Variants in RC3H1 observed in about 807,000 individuals in gnomAD.
RC3H1 encodes roquin-1.
Under a neutral mutation model 138.2 loss-of-function variants are expected in RC3H1, and 50 were observed. The observed-to-expected ratio is 0.36, with a 90% confidence interval of 0.29 to 0.46. The LOEUF (loss-of-function observed/expected upper bound fraction) is 0.46. Ranked by LOEUF, RC3H1 falls within the 20% of genes least tolerant of loss-of-function variation. The pLI is 1.00. For synonymous variants in RC3H1, 462 were observed against 489.1 expected, an observed-to-expected ratio of 0.94 and a Z score of 0.73; for missense variants, 1,031 against 1,388.1, an observed-to-expected ratio of 0.74 and a Z score of 4.09.
chr1:174,003,197 G>A (rs1237943883), intron 1 of RC3H1, among the ~76,000 whole-genome samples: 1 of 152,026 alleles, frequency 6.6e-6, no homozygotes, highest in African/African-American at 2.4e-5. Context: ...GACCAGCCTG[G>A]CCAACGTGGT....
intron 1 of RC3H1, among the ~76,000 whole-genome samples, chr1:174,000,539 A>G (rs766215358): frequency 6.6e-6 from 1 of 152,230 alleles, no homozygotes; most frequent in African/African-American, 2.4e-5. Context: ...TATCTGAAAT[A>G]TAAGTTGGCC....
chr1:173,962,908 C>A (rs1659943147), intron 11 of RC3H1, among the ~76,000 whole-genome samples: 1 of 152,100 alleles, frequency 6.6e-6, no homozygotes, highest in Admixed American at 6.6e-5. Flanking sequence ...AATTAAAAAA[C>A]ATTCTCATGA....
intron 10 of RC3H1, 74 bp downstream of exon 10, chr1:173,964,765 A>G: frequency 7.5e-7 from 1 of 1,335,814 alleles, no homozygotes; most frequent in Non-Finnish European, 1.0e-6. Flanking sequence ...TTAAATCCCA[A>G]ACATTAATTA....
At chr1:173,984,450 T>C (rs368731313) in intron 3 of RC3H1, 49 bp downstream of exon 3, 2 of 1,584,822 alleles carry the variant, frequency 1.3e-6, no homozygotes, top group African/African-American at 2.7e-5. Context: ...GTACTGAGTA[T>C]TTAAAAAAGC....
In RC3H1 at chr1:174,022,089, C is replaced by T. The variant is rs941015413; in HGVS notation, c.-151+7G>A. On this transcript the variant is annotated splice_region_variant and intron_variant, in intron 1 of 19. Transcript: ENST00000367696. This position sits in a 1 kb window ranked among gnomAD's most constrained non-coding sequence, Gnocchi z 4.2. Reference sequence around the variant, plus strand: ...GCTCCCCAAGTCGCCGCCCGCCGCTCGCTCACCGCGCTGGTCCGAGCAGCA... The same window carrying T: ...GCTCCCCAAGTCGCCGCCCGCCGCTTGCTCACCGCGCTGGTCCGAGCAGCA... The T allele has an allele frequency of 2.3e-5, 9 of 397,104 alleles. No individual in the cohort carries two copies. The highest frequency in any genetic ancestry group is 1.7e-4 in the African/African-American group (8 of 48,354). 24.6% of individuals were successfully genotyped at this position (397,104 alleles called of 1,614,324 possible). A position where few individuals can be genotyped will look rare whatever the true frequency, so the allele number is the denominator to read the frequency against.
At chr1:174,011,083 T>C (rs1661740643) in intron 1 of RC3H1, among the ~76,000 whole-genome samples, 1 of 152,208 alleles carries the variant, frequency 6.6e-6, no homozygotes. Flanking sequence ...ACCATCCTAT[T>C]TTCTATTCTA....
chr1:173,995,150 AAGTT>A (rs989921618), intron 1 of RC3H1, among the ~76,000 whole-genome samples: 1 of 152,162 alleles, frequency 6.6e-6, no homozygotes, highest in Non-Finnish European at 1.5e-5. Context: ...TGCTGAACGA[AAGTT>A]AAGGGAAGAA....
Position 173,984,626 on chromosome 1 carries a change from G to A in RC3H1, c.232-7C>T, listed in dbSNP as rs1179898159. The A allele has an allele frequency of 6.2e-7, 1 of 1,610,294 alleles. No homozygotes were observed. Among genetic ancestry groups the A allele is most frequent in the Admixed American group, 1.7e-5 (1 of 58,954 alleles). On this transcript the variant is annotated splice_region_variant and splice_polypyrimidine_tract_variant and intron_variant, in intron 2 of 19. Coordinates refer to ENST00000367696, the MANE Select transcript of RC3H1 (RefSeq NM_172071.4). Reference sequence around the variant, plus strand: ...TAGGCTGCTGCTCAGGGACCTGGAGGCCAAAAGAAAAGATCTGTATGAGTG... The same window carrying A: ...TAGGCTGCTGCTCAGGGACCTGGAGACCAAAAGAAAAGATCTGTATGAGTG...
At chr1:173,957,659 C>G (rs1361728227) in intron 13 of RC3H1, among the ~76,000 whole-genome samples, 1 of 152,076 alleles carries the variant, frequency 6.6e-6, no homozygotes, top group African/African-American at 2.4e-5. Flanking sequence ...AAGCGATCCT[C>G]TCGATCTTCC....
Position 173,932,149 on chromosome 1 carries a change from C to A in RC3H1, c.*6572G>T, listed in dbSNP as rs748140325. 34 of 151,974 alleles carry A rather than the reference C, an allele frequency of 2.2e-4. No homozygotes were observed. The highest frequency in any genetic ancestry group is 5.9e-5 in the Non-Finnish European group (4 of 67,984). 9.4% of individuals were successfully genotyped at this position (151,974 alleles called of 1,614,324 possible). A position where few individuals can be genotyped will look rare whatever the true frequency, so the allele number is the denominator to read the frequency against. ...TCTTGTTAAATATACCTCTGCAGGG[C>A]ACAATCACTTACAATCAATACGATT... On this transcript the variant is annotated 3_prime_UTR_variant, in exon 20 of 20. Transcript: ENST00000367696.
Position 173,980,904 on chromosome 1 carries a change from T to C in RC3H1, c.874A>G (p.Met292Val), listed in dbSNP as rs1002476761. The C allele has an allele frequency of 1.2e-6, 2 of 1,614,112 alleles. No individual in the cohort carries two copies. Among genetic ancestry groups the C allele is most frequent in the East Asian group, 2.2e-5 (1 of 44,876 alleles). The change falls in exon 6 of 20, where the codon ATG (methionine) becomes GTG (valine). Residue 292 changes from methionine to valine, a missense_variant. Met to Val is a conservative substitution (Grantham distance 21). Coordinates refer to ENST00000367696, the MANE Select transcript of RC3H1 (RefSeq NM_172071.4). Reference sequence around the variant, plus strand: ...GGTGCAATTCGTAAGCCTGCTTCCATAGCAATCTGCACTATCTGGGAGTCA... The same window carrying C: ...GGTGCAATTCGTAAGCCTGCTTCCACAGCAATCTGCACTATCTGGGAGTCA... The part of the protein sequence containing the change: ...EHDSQIVQIA[M>V]EAGLRIAPDQ...
chr1:173,960,038 G>T (rs1659803319), intron 13 of RC3H1, among the ~76,000 whole-genome samples: 1 of 150,400 alleles, frequency 6.6e-6, no homozygotes, highest in African/African-American at 2.5e-5. Flanking sequence ...AACCCAGGAG[G>T]TGGAGGTTGC....
At chr1:173,956,686 A>AGAAAG (rs1039479207) in intron 13 of RC3H1, among the ~76,000 whole-genome samples, 1 of 149,522 alleles carries the variant, frequency 6.7e-6, no homozygotes, top group African/African-American at 2.5e-5. Context: ...AAAAAAAAAA[A>AGAAAG]GAAAGAAAGA....
At position 173,961,111 on chromosome 1, in the gene RC3H1, G is replaced by A; in HGVS notation, c.2336C>T (p.Ser779Leu). 3.1e-6 allele frequency: 5 copies of A among 1,613,790 alleles called. No homozygotes were observed. The highest frequency in any genetic ancestry group is 4.2e-6 in the Non-Finnish European group (5 of 1,179,860). The change falls in exon 13 of 20, where the codon TCA becomes TTA. Residue 779 changes from serine (S) to leucine (L), a missense_variant. Transcript: ENST00000367696. The part of the protein sequence containing the change: ...KVISPPPFAP[S>L]PTLPPTFHPE... The stretch of plus-strand genomic sequence containing the variant: ...ATGAAAGGTAGGAGGCAAGGTTGGT[G>A]AAGGTGCAAAAGGAGGTGGAGAGAT...
Position 173,961,814 on chromosome 1 carries a change from C to G in RC3H1, c.2113G>C (p.Val705Leu), listed in dbSNP as rs1659891703. The G allele has an allele frequency of 3.7e-6, 6 of 1,613,804 alleles. No homozygotes were observed. Among genetic ancestry groups the G allele is most frequent in the South Asian group, 1.1e-5 (1 of 91,068 alleles). ...TGGTATCTTTCTCTGGATTCTGGTA[C>G]ATACGATGGTACTGCTGCAGGTGGA... is the stretch of plus-strand genomic sequence containing the variant. Reference protein sequence around the residue: ...EIPPAAVPSYVPESRERYQQI... With the variant: ...EIPPAAVPSYLPESRERYQQI... Residue 705 changes from valine to leucine, a missense_variant, in exon 12 of 20, where the codon GTA becomes CTA. By Grantham distance (32) the Val-to-Leu change is conservative. Around this residue, in one of 7 missense-constraint regions of RC3H1, gnomAD observed 716 missense variants for 837.9 expected, o/e 0.85. Coordinates refer to ENST00000367696, the MANE Select transcript of RC3H1 (RefSeq NM_172071.4).
At position 173,952,147 on chromosome 1, in the gene RC3H1, GGA is replaced by G; in HGVS notation, c.2371-11_2371-10del. 7.0e-7 allele frequency: 1 copy of G among 1,425,312 alleles called. No individual in the cohort carries two copies. The allele number at this position is 1,425,312 out of a possible 1,614,324, so 88.3% of individuals were successfully genotyped here. On this transcript the variant is annotated splice_polypyrimidine_tract_variant and intron_variant, in intron 13 of 19. Coordinates refer to ENST00000367696, the MANE Select transcript of RC3H1 (RefSeq NM_172071.4). ...AAGTCTTCATCCAAAAACTACAGAT[GGA>G]GAAAGAAAAAAAACAAAAAAAAAAA...
intron 2 of RC3H1, among the ~76,000 whole-genome samples, chr1:173,984,936 A>G (rs1444485222): frequency 1.3e-5 from 2 of 152,302 alleles, no homozygotes; most frequent in South Asian, 2.1e-4. Flanking sequence ...CATTACCCCA[A>G]AAAGAAACAC....
chr1:174,003,957 G>A (rs914462013), intron 1 of RC3H1, among the ~76,000 whole-genome samples: 2 of 150,978 alleles, frequency 1.3e-5, no homozygotes, highest in Admixed American at 6.6e-5. Flanking sequence ...CACTGCGCCC[G>A]GCAATTCCCC....
Position 173,980,815 on chromosome 1 carries a change from A to G in RC3H1, c.963T>C (p.Ile321=), listed in dbSNP as rs778208043. The change falls in exon 6 of 20, where the codon ATT becomes ATC. Residue 321 remains isoleucine (I), a synonymous_variant. Transcript: ENST00000367696. ...GGAACAAAAAAGGTCCTACCTTGTC[A>G]ATAATGGACTGCATATGAGATTTGT... The part of the protein sequence containing the change: ...QSHKSHMQSI[I]DKLQTPASFA... 2.5e-6 allele frequency: 4 copies of G among 1,612,340 alleles called. No homozygotes were observed. In the Admixed American group the frequency reaches 6.7e-5, roughly 27 times the overall value.
Sources: gnomAD v4.1 joint callset for allele counts (sites outside exome capture counted in the v4.1 genomes callset) on GRCh38, gnomAD v4.1.1 for gene constraint, gnomAD v4.1.1 regional missense constraint, Gnocchi (gnomAD v3.1) non-coding constraint, MANE v1.5 for transcripts, NCBI Gene and HGNC (gene_info 2026-07-23, HGNC 2026-07-21) for gene names.